Variants in NPSR1 observed in about 807,000 individuals in gnomAD.
The protein encoded by NPSR1 is neuropeptide S receptor.
A neutral mutation model predicts 46.9 loss-of-function variants in NPSR1; 48 were observed. The observed-to-expected ratio is 1.02, with a 90% CI of 0.81 to 1.30. The LOEUF (loss-of-function observed/expected upper bound fraction) is 1.30. Among genes scored for constraint, NPSR1 ranks in the 50% most tolerant of loss-of-function variants. The pLI, the probability that NPSR1 is intolerant of heterozygous loss-of-function variation, is 0.00. For synonymous variants in NPSR1, 176 were observed against 168.1 expected, an observed-to-expected ratio of 1.05 and a Z score of -0.36; for missense variants, 450 against 449.5, an observed-to-expected ratio of 1.00 and a Z score of -0.01.
chr7:34,662,384 A>G (rs2128669005), intron 1 of NPSR1, among the ~76,000 whole-genome samples: 1 of 148,896 alleles, frequency 6.7e-6, no homozygotes, highest in South Asian at 2.1e-4. Context: ...TAATATAACA[A>G]AAGCAAATTT....
intron 1 of NPSR1, among the ~76,000 whole-genome samples, chr7:34,683,910 T>G (rs1792788441): frequency 6.6e-6 from 1 of 152,218 alleles, no homozygotes; most frequent in Non-Finnish European, 1.5e-5. Context: ...CATTCTTCAG[T>G]AGAACTTTAA....
chr7:34,715,316 T>C (rs995553379), intron 2 of NPSR1, among the ~76,000 whole-genome samples: 1 of 152,224 alleles, frequency 6.6e-6, no homozygotes, highest in African/African-American at 2.4e-5. Context: ...AAAGTTTTTC[T>C]CCCAAAGAAA....
intron 2 of NPSR1, among the ~76,000 whole-genome samples, chr7:34,689,663 C>A (rs1434625579): frequency 7.0e-6 from 1 of 142,950 alleles, no homozygotes; most frequent in African/African-American, 2.6e-5. Context: ...GAAATCTAGG[C>A]AGGGCATGGT....
At chr7:34,792,039 C>A (rs1168453180) in intron 3 of NPSR1, among the ~76,000 whole-genome samples, 1 of 152,038 alleles carries the variant, frequency 6.6e-6, no homozygotes, top group Non-Finnish European at 1.5e-5. Context: ...TAACCCTTAA[C>A]TTATACAATA....
At chr7:34,769,107 T>C (rs1036854621) in intron 2 of NPSR1, among the ~76,000 whole-genome samples, 5 of 152,222 alleles carry the variant, frequency 3.3e-5, no homozygotes, top group Admixed American at 2.0e-4. Flanking sequence ...CTTGCTTTTA[T>C]TTGTTCCATC....
At chr7:34,732,406 G>T (rs762904718) in intron 2 of NPSR1, among the ~76,000 whole-genome samples, 2 of 152,168 alleles carry the variant, frequency 1.3e-5, no homozygotes, top group African/African-American at 2.4e-5. Context: ...GTTTACCAGT[G>T]AGGGGAAGCT....
intron 3 of NPSR1, among the ~76,000 whole-genome samples, chr7:34,797,374 T>C (rs1214223872): frequency 1.3e-5 from 2 of 152,186 alleles, no homozygotes; most frequent in Non-Finnish European, 2.9e-5. Context: ...CTGTAACAAA[T>C]ATACCACTCT....
intron 2 of NPSR1, chr7:34,750,192 C>A: frequency 2.5e-6 from 1 of 394,418 alleles, no homozygotes; most frequent in Non-Finnish European, 4.7e-6. Flanking sequence ...AATTAGAATT[C>A]TAGGTCACCC....
chr7:34,660,393 C>T (rs1427664534), intron 1 of NPSR1, among the ~76,000 whole-genome samples: 2 of 152,064 alleles, frequency 1.3e-5, no homozygotes, highest in African/African-American at 4.8e-5. Context: ...TCTATGATCC[C>T]CTTTGGGCAC....
chr7:34,754,699 TCA>T (rs1785731010), intron 2 of NPSR1, among the ~76,000 whole-genome samples: 1 of 152,230 alleles, frequency 6.6e-6, no homozygotes, highest in Non-Finnish European at 1.5e-5. Context: ...TTTAATATAT[TCA>T]CAGATATGTA....
chr7:34,747,007 C>A (rs1427436638), intron 2 of NPSR1, among the ~76,000 whole-genome samples: 7 of 151,920 alleles, frequency 4.6e-5, no homozygotes, highest in Non-Finnish European at 8.8e-5. Flanking sequence ...CACCTGCAGT[C>A]CTAGCTACTC....
intron 2 of NPSR1, chr7:34,768,410 A>G (rs2128732097): frequency 6.6e-6 from 1 of 152,316 alleles, no homozygotes; most frequent in South Asian, 2.1e-4. Context: ...ACCAGACCGG[A>G]AATTTTATCT....
chr7:34,810,468 G>T (rs1788924859), intron 3 of NPSR1, among the ~76,000 whole-genome samples: 1 of 152,162 alleles, frequency 6.6e-6, no homozygotes, highest in Admixed American at 6.5e-5. Context: ...GTTAATAAAA[G>T]AGACAGTGGG....
chr7:34,726,516 T>C (rs1012720340), intron 2 of NPSR1, among the ~76,000 whole-genome samples: 1 of 152,214 alleles, frequency 6.6e-6, no homozygotes, highest in African/African-American at 2.4e-5. Context: ...TTGGTATTTA[T>C]CCAAATGAAT....
intron 3 of NPSR1, among the ~76,000 whole-genome samples, chr7:34,789,740 C>CAAAAAAAAAAAAAAAA (rs751424409): frequency 2.2e-5 from 1 of 45,348 alleles, no homozygotes; most frequent in Non-Finnish European, 4.0e-5. Flanking sequence ...TTGCAGTGCG[C>CAAAAAAAAAAAAAAAA]AAAAAAAAAA....
intron 8 of NPSR1, among the ~76,000 whole-genome samples, chr7:34,870,639 G>A (rs1204481574): frequency 1.3e-5 from 2 of 151,812 alleles, no homozygotes; most frequent in Non-Finnish European, 2.9e-5. Flanking sequence ...GTGCCAAACA[G>A]GGAAGATATG....
intron 2 of NPSR1, among the ~76,000 whole-genome samples, chr7:34,748,468 C>T (rs750384420): frequency 6.6e-6 from 1 of 152,100 alleles, no homozygotes; most frequent in Non-Finnish European, 1.5e-5. Flanking sequence ...GAGCATGAGA[C>T]TAGGGGTGGT....
At chr7:34,852,485 C>G (rs916082007), downstream of NPSR1, among the ~76,000 whole-genome samples, 4 of 152,092 alleles carry the variant, frequency 2.6e-5, no homozygotes, top group Non-Finnish European at 4.4e-5. Flanking sequence ...TTGGTGGTTC[C>G]TCCCAGACAC....
intron 2 of NPSR1, among the ~76,000 whole-genome samples, chr7:34,714,102 C>A (rs1014644276): frequency 1.3e-5 from 2 of 152,218 alleles, no homozygotes; most frequent in African/African-American, 4.8e-5. Flanking sequence ...GGCACTGGTG[C>A]CAGCTGTCCG....
Sources: gnomAD v4.1 joint callset for allele counts (sites outside exome capture counted in the v4.1 genomes callset) on GRCh38, gnomAD v4.1.1 for gene constraint, MANE v1.5 for transcripts, NCBI Gene and HGNC (gene_info 2026-07-23, HGNC 2026-07-21) for gene names.